The following ANO6 variants were observed in gnomAD, a reference collection of about 807,000 sequenced individuals.
The protein encoded by ANO6 is anoctamin-6.
ANO6 carries 106 observed loss-of-function variants against 117.5 expected under a neutral mutation model. That is an observed-to-expected ratio of 0.90 (90% confidence interval 0.77 to 1.06). The LOEUF is 1.06. Among genes scored for constraint, ANO6 ranks in the 50% least tolerant of loss-of-function variants. ANO6 has a pLI of 0.00. For synonymous variants in ANO6, 367 were observed against 385.1 expected (o/e 0.95, Z 0.55); for missense variants, 955 against 1,121.1 (o/e 0.85, Z 2.12).
chr12:45,350,523 A>G, intron 6 of ANO6, 136 bp from the exon 7 acceptor site: 3 of 728,832 alleles, frequency 4.1e-6, no homozygotes, highest in South Asian at 1.5e-5. Flanking sequence ...TAAAAATTAG[A>G]TGGTATTTCC....
intron 1 of ANO6, among the ~76,000 whole-genome samples, chr12:45,295,702 A>G (rs928022616): frequency 6.6e-6 from 1 of 152,058 alleles, no homozygotes; most frequent in East Asian, 1.9e-4. Context: ...CTAGCGTTAC[A>G]GGCATGTACC....
At chr12:45,323,102 A>G (rs1452134007) in intron 2 of ANO6, among the ~76,000 whole-genome samples, 1 of 152,176 alleles carries the variant, frequency 6.6e-6, no homozygotes, top group Non-Finnish European at 1.5e-5. Context: ...TCTTCTTGAC[A>G]CCAGATGTCT....
rs1941391948 is a variant in ANO6 at position 45,355,652 on chromosome 12, A to G, written c.864-1638A>G. Among the ~76,000 whole-genome samples, 4 of 152,268 alleles carry G rather than the reference A, an allele frequency of 2.6e-5. No individual in the cohort carries two copies. The South Asian group carries it at 8.3e-4, about 32-fold the overall frequency. Reference sequence around the variant, plus strand: ...CTGCCTTCCATGAGCCAGAGAGCAAAGCTCCGGTCACGTGAAAATCAGCCC... The same window carrying G: ...CTGCCTTCCATGAGCCAGAGAGCAAGGCTCCGGTCACGTGAAAATCAGCCC... On this transcript the variant is annotated intron_variant, in intron 7 of 19. Coordinates refer to ENST00000320560, the MANE Select transcript of ANO6 (RefSeq NM_001025356.3).
At chr12:45,362,789 A>G (rs1372138801) in intron 8 of ANO6, among the ~76,000 whole-genome samples, 1 of 152,216 alleles carries the variant, frequency 6.6e-6, no homozygotes, top group Non-Finnish European at 1.5e-5. Context: ...ATAGTACACA[A>G]AAACTTTACT....
chr12:45,427,416 C>T (rs952755141), intron 19 of ANO6, among the ~76,000 whole-genome samples: 4 of 152,182 alleles, frequency 2.6e-5, no homozygotes, highest in African/African-American at 9.6e-5. Context: ...TCCAAACCAG[C>T]TCTGCATTGG....
chr12:45,439,776 T>G, exon 20 of ANO6: 1 of 1,551,094 alleles, frequency 6.4e-7, no homozygotes, highest in African/African-American at 1.4e-5. Flanking sequence ...GGTTTGTCGA[T>G]GAAATTAGAC....
chr12:45,313,033 G>A (rs933539326), intron 2 of ANO6, among the ~76,000 whole-genome samples: 3 of 151,958 alleles, frequency 2.0e-5, no homozygotes, highest in African/African-American at 2.4e-5. Context: ...GATGCTAATG[G>A]TATCACTACC....
intron 19 of ANO6, among the ~76,000 whole-genome samples, chr12:45,423,782 C>T (rs909116034): frequency 3.9e-5 from 6 of 152,130 alleles, no homozygotes; most frequent in African/African-American, 7.2e-5. Flanking sequence ...TAAAAAATTA[C>T]ATGCAAAGCA....
At chr12:45,289,929 T>C (rs1339014828) in intron 1 of ANO6, among the ~76,000 whole-genome samples, 1 of 152,198 alleles carries the variant, frequency 6.6e-6, no homozygotes, top group Non-Finnish European at 1.5e-5. Context: ...CAAACATCCA[T>C]AAAGTGCTGA....
chr12:45,222,270 C>T (rs12320437), intron 1 of ANO6, among the ~76,000 whole-genome samples: 17,839 of 152,052 alleles, frequency 0.12, 1,499 homozygotes, highest in East Asian at 0.3. Context: ...AAGTTATTCT[C>T]CTGCCTCAGC....
intron 17 of ANO6, among the ~76,000 whole-genome samples, chr12:45,420,748 C>T (rs535418237): frequency 3.9e-5 from 6 of 152,130 alleles, no homozygotes; most frequent in Admixed American, 6.5e-5. Flanking sequence ...CAGTGGCTCA[C>T]GCCTGTAATC....
At chr12:45,340,621 A>C (rs559771204) in intron 3 of ANO6, among the ~76,000 whole-genome samples, 6 of 152,172 alleles carry the variant, frequency 3.9e-5, no homozygotes, top group Non-Finnish European at 5.9e-5. Context: ...GCACATAGAT[A>C]ATTTTTACTT....
intron 10 of ANO6, among the ~76,000 whole-genome samples, chr12:45,384,768 A>T (rs928020772): frequency 1.3e-5 from 2 of 152,220 alleles, no homozygotes; most frequent in Non-Finnish European, 2.9e-5. Context: ...AAAATTTGAA[A>T]TGTGAGAATT....
chr12:45,402,675 T>C (rs115688216), intron 13 of ANO6, among the ~76,000 whole-genome samples: 1,551 of 152,346 alleles, frequency 0.01, 22 homozygotes, highest in African/African-American at 0.035. Context: ...GGTTTGCTTG[T>C]TTTCTTCAAT....
intron 1 of ANO6, among the ~76,000 whole-genome samples, chr12:45,221,872 G>A (rs1006872818): frequency 3.4e-5 from 5 of 145,648 alleles, no homozygotes; most frequent in East Asian, 2.1e-4. Context: ...CTCCCTCCCC[G>A]ACTCCTTTTT....
chr12:45,307,785 G>T (rs1003234547), intron 2 of ANO6, among the ~76,000 whole-genome samples: 1 of 152,130 alleles, frequency 6.6e-6, no homozygotes, highest in Admixed American at 6.6e-5. Context: ...GAGCCAGGAG[G>T]AGCCAGTGAG....
chr12:45,328,587 T>A (rs550742900), intron 2 of ANO6, among the ~76,000 whole-genome samples: 2 of 152,272 alleles, frequency 1.3e-5, no homozygotes, highest in East Asian at 3.9e-4. Flanking sequence ...CTGCATAGCA[T>A]GTAAATAAAA....
chr12:45,242,189 G>A (rs936907309), intron 1 of ANO6, among the ~76,000 whole-genome samples: 2 of 152,242 alleles, frequency 1.3e-5, no homozygotes, highest in African/African-American at 4.8e-5. Context: ...GGAGTCTATA[G>A]AGGCAGTAGG....
chr12:45,406,717 C>T (rs998194689), intron 15 of ANO6, among the ~76,000 whole-genome samples: 2 of 152,130 alleles, frequency 1.3e-5, no homozygotes, highest in Admixed American at 1.3e-4. Context: ...CACTTACTCT[C>T]TAGGTTCAGA....
Sources: gnomAD v4.1 joint callset for allele counts (sites outside exome capture counted in the v4.1 genomes callset) on GRCh38, gnomAD v4.1.1 for gene constraint, MANE v1.5 for transcripts, NCBI Gene and HGNC (gene_info 2026-07-23, HGNC 2026-07-21) for gene names.